CEP350: variants seen among roughly 807,000 people sequenced by gnomAD.
CEP350 encodes centrosome-associated protein 350.
A neutral mutation model predicts 331.8 loss-of-function variants in CEP350; 126 were observed. The ratio of observed to expected loss-of-function variants is 0.38; its 90% CI spans 0.33 to 0.44. The LOEUF (loss-of-function observed/expected upper bound fraction) is 0.44, where lower values mean the gene tolerates loss of function less well. Among genes scored for constraint, CEP350 ranks in the 20% least tolerant of loss-of-function variants. The pLI, the probability that CEP350 is intolerant of heterozygous loss-of-function variation, is 1.00. For synonymous variants in CEP350, 1,200 were observed against 1,259.5 expected (o/e 0.95, Z 1.00); for missense variants, 3,406 against 3,634.6 (o/e 0.94, Z 1.62).
intron 7 of CEP350, among the ~76,000 whole-genome samples, chr1:180,004,926 T>G (rs1253932310): frequency 3.2e-4 from 13 of 40,980 alleles, no homozygotes; most frequent in African/African-American, 6.8e-4. Flanking sequence ...TTTCTTTCTT[T>G]CTTTCTTTCT....
chr1:179,974,068 G>C (rs1182716445), intron 1 of CEP350, among the ~76,000 whole-genome samples: 1 of 143,480 alleles, frequency 7.0e-6, no homozygotes, highest in Non-Finnish European at 1.5e-5. Context: ...TGTTGTTGCT[G>C]GTGTTTGTTT....
intron 27 of CEP350, chr1:180,073,960 TTTTG>T: frequency 2.3e-6 from 3 of 1,282,140 alleles, no homozygotes; most frequent in Non-Finnish European, 1.0e-6. Context: ...GCTCTGTTCT[TTTTG>T]TTTGTTTTGT....
chr1:180,029,804 C>T (rs1655896739), intron 14 of CEP350, among the ~76,000 whole-genome samples: 1 of 152,162 alleles, frequency 6.6e-6, no homozygotes, highest in South Asian at 2.1e-4. Context: ...AAAATCTATA[C>T]CCATTCAATA....
intron 37 of CEP350, among the ~76,000 whole-genome samples, chr1:180,101,078 C>T (rs535003159): frequency 6.6e-6 from 1 of 152,142 alleles, no homozygotes; most frequent in South Asian, 2.1e-4. Context: ...AAATACTAAA[C>T]AAAATATTTC....
intron 5 of CEP350, among the ~76,000 whole-genome samples, chr1:179,994,598 C>T (rs1023914639): frequency 7.9e-5 from 12 of 151,764 alleles, no homozygotes; most frequent in Admixed American, 5.9e-4. Flanking sequence ...GGACTACAGA[C>T]AGGCGCCACC....
chr1:179,999,477 T>A (rs1161423929), intron 6 of CEP350, among the ~76,000 whole-genome samples: 1 of 150,984 alleles, frequency 6.6e-6, no homozygotes, highest in Admixed American at 6.6e-5. Flanking sequence ...AGCAGTGGAT[T>A]TTTTTTTCCA....
rs1660453338 is a variant in CEP350, at chr1:180,095,871, C to T, written c.8860C>T (p.Leu2954Phe). 3.1e-6 allele frequency: 5 copies of T among 1,613,002 alleles called. No individual in the cohort carries two copies. The highest frequency in any genetic ancestry group is 1.6e-4 in the Middle Eastern group (1 of 6,080). ...LHSISIPTKL[L>F]GCASKGLDIE... ...TAGCATCAGTATTCCTACAAAACTG[C>T]TTGGCTGTGCCAGTAAAGGTCTAGA... Residue 2954 changes from leucine to phenylalanine, a missense_variant, in exon 35 of 38, where the codon CTT becomes TTT. Around this residue, in one of 5 missense-constraint regions of CEP350, gnomAD observed 1,415 missense variants for 1,512.3 expected, o/e 0.94. Coordinates refer to ENST00000367607, the MANE Select transcript of CEP350 (RefSeq NM_014810.5).
intron 26 of CEP350, among the ~76,000 whole-genome samples, chr1:180,063,331 A>G (rs1468801901): frequency 2.0e-5 from 3 of 151,768 alleles, no homozygotes; most frequent in Non-Finnish European, 2.9e-5. Context: ...AGCTGGGACT[A>G]TAGGCATGCA....
intron 7 of CEP350, among the ~76,000 whole-genome samples, chr1:180,004,906 G>GCTTTCTTTCTTT (rs1158546433): frequency 0.023 from 2,991 of 130,610 alleles, 87 homozygotes; most frequent in Middle Eastern, 0.043. Flanking sequence ...TTGCTTGCTT[G>GCTTTCTTTCTTT]CTTTCTTTCT....
intron 11 of CEP350, 101 bp downstream of exon 11, chr1:180,016,071 C>A: frequency 1.5e-6 from 2 of 1,359,228 alleles, no homozygotes; most frequent in Non-Finnish European, 1.0e-6. Flanking sequence ...AACAAGAGGG[C>A]AGAGAGGTTT....
chr1:180,028,248 G>A (rs1323332462), intron 14 of CEP350, among the ~76,000 whole-genome samples: 3 of 152,220 alleles, frequency 2.0e-5, no homozygotes, highest in African/African-American at 4.8e-5. Flanking sequence ...TGAGGCTGTA[G>A]TATGAAGCAT....
intron 13 of CEP350, 48 bp downstream of exon 13, chr1:180,022,896 T>C (rs2148843760): frequency 2.0e-6 from 3 of 1,514,312 alleles, no homozygotes; most frequent in East Asian, 4.9e-5. Flanking sequence ...GTGAGAAAAA[T>C]GTACAAATGA....
chr1:180,092,058 G>C (rs941702174), intron 33 of CEP350, among the ~76,000 whole-genome samples: 5 of 146,222 alleles, frequency 3.4e-5, no homozygotes, highest in East Asian at 2.0e-4. Flanking sequence ...AAAAAAAAAC[G>C]ATTTGAATTT....
intron 36 of CEP350, 120 bp downstream of exon 36, chr1:180,096,304 T>C: frequency 9.4e-7 from 1 of 1,067,588 alleles, no homozygotes; most frequent in Non-Finnish European, 1.3e-6. Flanking sequence ...TCAGGACCTG[T>C]TCCATAGTGG....
intron 1 of CEP350, among the ~76,000 whole-genome samples, chr1:179,960,043 A>G (rs1428785386): frequency 2.6e-5 from 4 of 152,198 alleles, no homozygotes; most frequent in African/African-American, 9.7e-5. Flanking sequence ...CTATGCATAC[A>G]TTTAAGAAAT....
At chr1:179,966,727 T>C (rs1651043344) in intron 1 of CEP350, among the ~76,000 whole-genome samples, 1 of 152,190 alleles carries the variant, frequency 6.6e-6, no homozygotes, top group South Asian at 2.1e-4. Context: ...TTAGATACAG[T>C]TGGATCCTGG....
At chr1:179,991,663 A>ATGTGTGTGTG (rs1197805256) in intron 4 of CEP350, among the ~76,000 whole-genome samples, 3 of 64,346 alleles carry the variant, frequency 4.7e-5, no homozygotes, top group Non-Finnish European at 6.8e-5. Flanking sequence ...ATGTATATAT[A>ATGTGTGTGTG]TATATGTGTG....
chr1:179,980,908 A>C (rs555833005), intron 1 of CEP350, among the ~76,000 whole-genome samples: 1 of 152,308 alleles, frequency 6.6e-6, no homozygotes, highest in South Asian at 2.1e-4. Flanking sequence ...GGGTTAAAAA[A>C]TTCTATTTTC....
chr1:179,971,738 T>C (rs1651471164), intron 1 of CEP350, among the ~76,000 whole-genome samples: 1 of 152,228 alleles, frequency 6.6e-6, no homozygotes, highest in Admixed American at 6.5e-5. Flanking sequence ...AGAAGACATC[T>C]GGATTCTCAT....
Sources: gnomAD v4.1 joint callset for allele counts (sites outside exome capture counted in the v4.1 genomes callset) on GRCh38, gnomAD v4.1.1 for gene constraint, gnomAD v4.1.1 regional missense constraint, MANE v1.5 for transcripts, NCBI Gene and HGNC (gene_info 2026-07-23, HGNC 2026-07-21) for gene names.